Variants in FOXP2 observed in about 807,000 individuals in gnomAD.
The protein encoded by FOXP2 is forkhead box protein P2.
Under a neutral mutation model 115.8 loss-of-function variants are expected in FOXP2, and 12 were observed. The ratio of observed to expected loss-of-function variants is 0.10; its 90% CI spans 0.07 to 0.17. The LOEUF is 0.17. Ranked by LOEUF, FOXP2 falls within the 10% of genes least tolerant of loss-of-function variation. The pLI is 1.00. For missense variants in FOXP2, 629 were observed against 843.5 expected, an observed-to-expected ratio of 0.75 and a Z score of 3.15; for synonymous variants, 328 against 297.7, an observed-to-expected ratio of 1.10 and a Z score of -1.05.
chr7:114,462,578 G>T (rs979339144), intron 2 of FOXP2, among the ~76,000 whole-genome samples: 1 of 151,808 alleles, frequency 6.6e-6, no homozygotes, highest in Non-Finnish European at 1.5e-5. Flanking sequence ...GGCCATGTTG[G>T]CCAGGATGGT....
chr7:114,535,336 T>C (rs1161519416), intron 3 of FOXP2, among the ~76,000 whole-genome samples: 2 of 151,514 alleles, frequency 1.3e-5, no homozygotes, highest in African/African-American at 4.8e-5. Flanking sequence ...GACATTTTCT[T>C]GGTGGGGGGG....
chr7:114,275,318 C>G (rs1020475249), intron 1 of FOXP2, among the ~76,000 whole-genome samples: 3 of 152,000 alleles, frequency 2.0e-5, no homozygotes, highest in African/African-American at 7.2e-5. Flanking sequence ...GTAGTTTTCC[C>G]GCAGTTCTTA....
intron 2 of FOXP2, among the ~76,000 whole-genome samples, chr7:114,527,007 T>G (rs1798912100): frequency 6.6e-6 from 1 of 150,702 alleles, no homozygotes; most frequent in African/African-American, 2.5e-5. Context: ...TTTTTTTTTT[T>G]TGTCTCTTTA....
At chr7:114,587,205 G>A (rs1435681937) in intron 3 of FOXP2, among the ~76,000 whole-genome samples, 1 of 151,874 alleles carries the variant, frequency 6.6e-6, no homozygotes, top group Admixed American at 6.6e-5. Context: ...TTAGGTATTT[G>A]TCCTGATGTT....
At chr7:114,547,493 C>G (rs1309911280) in intron 3 of FOXP2, among the ~76,000 whole-genome samples, 1 of 152,158 alleles carries the variant, frequency 6.6e-6, no homozygotes, top group Non-Finnish European at 1.5e-5. Flanking sequence ...CGCTGTGGCT[C>G]ACGCCTGTAA....
intron 1 of FOXP2, among the ~76,000 whole-genome samples, chr7:114,191,207 T>C (rs1271727334): frequency 1.3e-5 from 2 of 152,166 alleles, no homozygotes; most frequent in Non-Finnish European, 2.9e-5. Context: ...TTTTTTATAG[T>C]TTATGGAGGG....
At chr7:114,338,108 G>T (rs1352159734) in intron 2 of FOXP2, among the ~76,000 whole-genome samples, 3 of 150,966 alleles carry the variant, frequency 2.0e-5, no homozygotes, top group Non-Finnish European at 4.5e-5. Context: ...ATTTTAAAAG[G>T]TAGATCACTT....
At chr7:114,302,154 T>A (rs1796893534) in intron 2 of FOXP2, among the ~76,000 whole-genome samples, 1 of 152,168 alleles carries the variant, frequency 6.6e-6, no homozygotes, top group African/African-American at 2.4e-5. Context: ...TACATGTAAT[T>A]CCATATTTTG....
At chr7:114,128,342 A>G (rs1791777635) in intron 1 of FOXP2, among the ~76,000 whole-genome samples, 1 of 152,092 alleles carries the variant, frequency 6.6e-6, no homozygotes, top group African/African-American at 2.4e-5. Context: ...GAATGAATGA[A>G]ATACAGCAGT....
intron 2 of FOXP2, among the ~76,000 whole-genome samples, chr7:114,531,416 A>T (rs1164651375): frequency 6.6e-6 from 1 of 151,966 alleles, no homozygotes; most frequent in African/African-American, 2.4e-5. Context: ...AATTGCAAAG[A>T]TGAACTAAAT....
rs556647935 is a variant in FOXP2, at chr7:114,306,827, T to G, written c.-11+18718T>G. Among the ~76,000 whole-genome samples, 11 of 152,210 alleles carry G rather than the reference T, an allele frequency of 7.2e-5. No individual in the cohort carries two copies. In the East Asian group the frequency reaches 2.1e-3, roughly 29 times the overall value. On this transcript the variant is annotated intron_variant, in intron 2 of 17. Coordinates refer to the FOXP2 transcript ENST00000634411. ...TAGAGGCTGCCTACATTTCTTGGCT[T>G]GGAGGCTCCTTCCATCTTCAAAGCC...
intron 2 of FOXP2, among the ~76,000 whole-genome samples, chr7:114,322,323 A>G (rs1554368370): frequency 6.6e-6 from 1 of 151,170 alleles, no homozygotes; most frequent in Non-Finnish European, 1.5e-5. Flanking sequence ...ATACCCTGAC[A>G]GATAATTGCT....
intron 1 of FOXP2, among the ~76,000 whole-genome samples, chr7:114,416,716 T>C (rs2129200510): frequency 6.6e-6 from 1 of 152,114 alleles, no homozygotes; most frequent in East Asian, 1.9e-4. Context: ...GTCTTTACAG[T>C]CAGCCCTTCT....
chr7:114,381,981 AACAAACAGT>A (rs974972783), intron 2 of FOXP2, among the ~76,000 whole-genome samples: 2 of 152,172 alleles, frequency 1.3e-5, no homozygotes, highest in Non-Finnish European at 2.9e-5. Context: ...AGCAGGGGAC[AACAAACAGT>A]TGTTCCTTCT....
At chr7:114,531,250 C>T (rs941144392) in intron 2 of FOXP2, among the ~76,000 whole-genome samples, 1 of 151,816 alleles carries the variant, frequency 6.6e-6, no homozygotes, top group Non-Finnish European at 1.5e-5. Context: ...GCGCAGAGAA[C>T]TTTATGAATG....
chr7:114,281,937 A>C (rs796366934), intron 1 of FOXP2, among the ~76,000 whole-genome samples: 12 of 152,216 alleles, frequency 7.9e-5, no homozygotes, highest in African/African-American at 2.9e-4. Flanking sequence ...CTGTTAACTG[A>C]GGGGTAGGTC....
At chr7:114,380,561 T>C (rs941696878) in intron 2 of FOXP2, among the ~76,000 whole-genome samples, 2 of 152,238 alleles carry the variant, frequency 1.3e-5, no homozygotes, top group South Asian at 2.1e-4. Context: ...CAATTACTTG[T>C]TGACAGTTCC....
intron 3 of FOXP2, among the ~76,000 whole-genome samples, chr7:114,572,831 A>C (rs1233921349): frequency 6.6e-6 from 1 of 151,912 alleles, no homozygotes; most frequent in Non-Finnish European, 1.5e-5. Flanking sequence ...CAGAATGAAA[A>C]TGAGACATGA....
chr7:114,450,857 C>G (rs905725269), intron 2 of FOXP2, among the ~76,000 whole-genome samples: 1 of 152,000 alleles, frequency 6.6e-6, no homozygotes, highest in Non-Finnish European at 1.5e-5. Context: ...ATTCAGGAAT[C>G]ATATTAAATA....
Sources: allele counts gnomAD v4.1 joint callset (sites outside exome capture counted in the v4.1 genomes callset), GRCh38; gene constraint gnomAD v4.1.1; transcripts MANE v1.5; gene names NCBI Gene and HGNC (gene_info 2026-07-23, HGNC 2026-07-21).